Variants in ESPL1 observed in about 807,000 individuals in gnomAD.
ESPL1 encodes the protein separin.
Under a neutral mutation model 217.2 loss-of-function variants are expected in ESPL1, and 50 were observed. The observed-to-expected ratio is 0.23, with a 90% CI of 0.18 to 0.29. ESPL1 has a LOEUF of 0.29. ESPL1 is among the 10% of genes least tolerant of loss of function. The probability of loss-of-function intolerance (pLI) is 1.00; values close to 1 mark genes in which losing one functional copy is unlikely to be tolerated. For synonymous variants in ESPL1, 994 were observed against 1,081.3 expected (o/e 0.92, Z 1.58); for missense variants, 1,834 against 2,603.0 (o/e 0.70, Z 6.43).
intron 20 of ESPL1, 188 bp downstream of exon 20, chr12:53,288,887 G>A: frequency 1.4e-6 from 1 of 710,538 alleles, no homozygotes; most frequent in Non-Finnish European, 2.4e-6. Context: ...TATTCCTTCT[G>A]TAAAAATGGG....
rs765326719 is a variant in ESPL1, at chr12:53,286,219, G to A, written c.3483G>A (p.Leu1161=). The A allele has an allele frequency of 2.5e-6, 4 of 1,614,266 alleles. No individual in the cohort carries two copies. Among genetic ancestry groups the A allele is most frequent in the African/African-American group, 2.7e-5 (2 of 75,074 alleles). ...CASPVLTAVC[L]RWVLVTAGVR... The stretch of plus-strand genomic sequence containing the variant: ...GCCCTGTCCTCACAGCAGTCTGTCT[G>A]CGCTGGGTATTGGTCACGGCAGGGG... Residue 1161 remains leucine, a synonymous_variant, in exon 18 of 31, where the codon CTG becomes CTA. Transcript: ENST00000257934. This position sits in a 1 kb window ranked among gnomAD's most constrained non-coding sequence, Gnocchi z 5.3.
At chr12:53,279,674 G>A (rs1943828816) in intron 11 of ESPL1, 58 bp from the exon 12 acceptor site, 1 of 1,609,968 alleles carries the variant, frequency 6.2e-7, no homozygotes, top group Non-Finnish European at 8.5e-7. Context: ...GGGGAGCAGA[G>A]GGTAGAAATA....
At position 53,281,566 on chromosome 12, in the gene ESPL1, C is replaced by T; in HGVS notation, c.2559C>T (p.Tyr853=). 1 of 1,613,522 alleles carries T rather than the reference C, an allele frequency of 6.2e-7. No individual in the cohort carries two copies. The highest frequency in any genetic ancestry group is 1.7e-5 in the Admixed American group (1 of 60,016). ...LKHLDQTTDT[Y]LLLSLTCDLL... is the part of the protein sequence containing the mutation. ...ATCTCGATCAGACTACTGACACATA[C>T]CTGCTCCTTTCCCTGACCTGTGATC... The change falls in exon 13 of 31, where the codon TAC becomes TAT. Residue 853 remains tyrosine (Y), a synonymous_variant. Transcript: ENST00000257934.
chr12:53,285,613 G>T (rs2120963308), intron 17 of ESPL1, among the ~76,000 whole-genome samples: 1 of 152,150 alleles, frequency 6.6e-6, no homozygotes, highest in East Asian at 1.9e-4. Context: ...GGAGGCTGAG[G>T]CAGGAGAATG....
At chr12:53,276,461 TG>T (rs1943766805) in intron 7 of ESPL1, among the ~76,000 whole-genome samples, 158 bp from the exon 8 acceptor site, 1 of 152,232 alleles carries the variant, frequency 6.6e-6, no homozygotes, top group Admixed American at 6.5e-5. Context: ...CACTGCCGTT[TG>T]TTAAACAGAG....
chr12:53,292,464 C>T lies in ESPL1; in HGVS notation c.5912+71C>T. 7.1e-7 allele frequency: 1 copy of T among 1,405,492 alleles called. No homozygotes were observed. Among genetic ancestry groups the T allele is most frequent in the East Asian group, 2.3e-5 (1 of 43,958 alleles). 87.1% of individuals were successfully genotyped at this position (1,405,492 alleles called of 1,614,324 possible). On this transcript the variant is annotated intron_variant, in intron 28 of 30. Transcript: ENST00000257934. This position sits in a 1 kb window ranked among gnomAD's most constrained non-coding sequence, Gnocchi z 4.5. ...CATACAGGGGCAACAAGCCTTTTCTCCAGAAACAGCTGTTGCAGCCCACCT... is the reference window on the plus strand; with the variant it reads ...CATACAGGGGCAACAAGCCTTTTCTTCAGAAACAGCTGTTGCAGCCCACCT...
Position 53,270,504 on chromosome 12 carries a change from A to C in ESPL1, c.1248+22A>C, listed in dbSNP as rs1483963989. The C allele has an allele frequency of 3.1e-6, 5 of 1,591,328 alleles. No individual in the cohort carries two copies. In the African/African-American group the frequency reaches 4.0e-5, roughly 13 times the overall value. The stretch of plus-strand genomic sequence containing the variant: ...TCAGGTACTGTCTGGGAATCAAGGT[A>C]CCTGGACTAGGCTCATAGGGTTTGG... On this transcript the variant is annotated intron_variant, in intron 4 of 30. Transcript: ENST00000257934.
At chr12:53,271,914 C>T (rs544765707) in intron 5 of ESPL1, among the ~76,000 whole-genome samples, 2 of 152,196 alleles carry the variant, frequency 1.3e-5, no homozygotes, top group East Asian at 1.9e-4. Context: ...AGTGAAACCC[C>T]GTCTCTACTA....
At chr12:53,272,414 G>A (rs1943692325) in intron 5 of ESPL1, among the ~76,000 whole-genome samples, 1 of 152,118 alleles carries the variant, frequency 6.6e-6, no homozygotes, top group Non-Finnish European at 1.5e-5. Flanking sequence ...CTTGGAGGAT[G>A]TGAGGGAGTC....
Position 53,288,085 on chromosome 12 carries a change from G to T in ESPL1, c.4290G>T (p.Lys1430Asn). The T allele has an allele frequency of 6.2e-7, 1 of 1,613,704 alleles. No individual in the cohort carries two copies. Among genetic ancestry groups the T allele is most frequent in the Non-Finnish European group, 8.5e-7 (1 of 1,179,990 alleles). Reference protein sequence around the residue: ...TASRGRGRARKGLSLKTDAVV... With the variant: ...TASRGRGRARNGLSLKTDAVV... ...CCCGGGGCCGGGGGCGAGCAAGGAA[G>T]GGCCTGAGCCTAAAGACGGATGCCG... Residue 1430 changes from lysine to asparagine, a missense_variant, in exon 19 of 31, where the codon AAG (lysine) becomes AAT (asparagine). Physicochemically the swap from Lys to Asn is moderately conservative, Grantham distance 94. Coordinates refer to ENST00000257934, the MANE Select transcript of ESPL1 (RefSeq NM_012291.5).
intron 12 of ESPL1, among the ~76,000 whole-genome samples, chr12:53,280,129 G>C (rs1943837322): frequency 6.6e-6 from 1 of 152,194 alleles, no homozygotes; most frequent in South Asian, 2.1e-4. Context: ...AACTGGTTCT[G>C]TTGCCCTAGT....
Position 53,283,493 on chromosome 12 carries a change from G to C in ESPL1, c.3032G>C (p.Cys1011Ser). ...AGTGTGAGTGAAGCCAAGGCCTTTT[G>C]CTTGGAGGCCCTAAAACTTACAACA... ...LGSVSEAKAFCLEALKLTTKL... is the reference protein window; with the variant it reads ...LGSVSEAKAFSLEALKLTTKL... The change falls in exon 16 of 31, where the codon TGC becomes TCC. Residue 1011 changes from cysteine (C) to serine (S), a missense_variant. Coordinates refer to ENST00000257934, the MANE Select transcript of ESPL1 (RefSeq NM_012291.5). The C allele has an allele frequency of 1.2e-6, 2 of 1,614,206 alleles. No homozygotes were observed. Among genetic ancestry groups the C allele is most frequent in the Non-Finnish European group, 1.7e-6 (2 of 1,180,022 alleles).
At position 53,293,133 on chromosome 12, in the gene ESPL1, T is replaced by C; in HGVS notation, c.6162-140T>C. 1.0e-6 allele frequency: 1 copy of C among 979,990 alleles called. No homozygotes were observed. The highest frequency in any genetic ancestry group is 2.3e-4 in the Middle Eastern group (1 of 4,350). The allele number at this position is 979,990 out of a possible 1,614,324, so 60.7% of individuals were successfully genotyped here. Reference sequence around the variant, plus strand: ...CCATTAACCCTTAGCTCCCTTCTGTTCTTCTCTTGTAACCAAGGGCCAAAG... The same window carrying C: ...CCATTAACCCTTAGCTCCCTTCTGTCCTTCTCTTGTAACCAAGGGCCAAAG... On this transcript the variant is annotated intron_variant, in intron 30 of 30. Transcript: ENST00000257934. This position sits in a 1 kb window ranked among gnomAD's most constrained non-coding sequence, Gnocchi z 4.2.
At chr12:53,276,336 C>T (rs771347218) in intron 7 of ESPL1, among the ~76,000 whole-genome samples, 15 of 152,110 alleles carry the variant, frequency 9.9e-5, no homozygotes, top group African/African-American at 2.2e-4. Flanking sequence ...AGTAGAATAG[C>T]GGTATAGGAT....
In ESPL1 at chr12:53,286,291, G is replaced by A. The variant is rs1319447457; in HGVS notation, c.3555G>A (p.Gln1185=). 1 of 1,614,208 alleles carries A rather than the reference G, an allele frequency of 6.2e-7. No individual in the cohort carries two copies. Among genetic ancestry groups the A allele is most frequent in the Admixed American group, 1.7e-5 (1 of 60,036 alleles). ...GHQAQGLDLL[Q]VVLKGCPEAA... ...AAGCCCAGGGTCTGGATCTGCTGCA[G>A]GTCGTGCTGAAGGGCTGTCCTGAAG... The change falls in exon 18 of 31, where the codon CAG becomes CAA. Residue 1185 remains glutamine, a synonymous_variant. Transcript: ENST00000257934. This position sits in a 1 kb window ranked among gnomAD's most constrained non-coding sequence, Gnocchi z 5.3.
chr12:53,276,983 A>G, intron 8 of ESPL1, 100 bp from the exon 9 acceptor site: 6 of 1,558,074 alleles, frequency 3.9e-6, no homozygotes, highest in Non-Finnish European at 4.4e-6. Context: ...ATGGGAGCAC[A>G]TGCAAAGGGC....
At chr12:53,277,253 C>T (rs534281449) in intron 9 of ESPL1, 26 bp downstream of exon 9, 4 of 1,597,810 alleles carry the variant, frequency 2.5e-6, no homozygotes, top group African/African-American at 2.7e-5. Context: ...GTGGGGCTCA[C>T]CAGAACTGGG....
intron 17 of ESPL1, 27 bp downstream of exon 17, chr12:53,284,194 A>G: frequency 7.2e-7 from 1 of 1,390,322 alleles, no homozygotes; most frequent in Non-Finnish European, 1.0e-6. Context: ...CCATGACCAT[A>G]GGCGGTGCTG....
intron 11 of ESPL1, among the ~76,000 whole-genome samples, chr12:53,278,892 C>G (rs1207707245): frequency 6.6e-6 from 1 of 151,176 alleles, no homozygotes; most frequent in Non-Finnish European, 1.5e-5. Flanking sequence ...AGCTTTCCGC[C>G]CCGCCCCCCC....
Sources: allele counts gnomAD v4.1 joint callset (sites outside exome capture counted in the v4.1 genomes callset), GRCh38; gene constraint gnomAD v4.1.1; non-coding constraint Gnocchi (gnomAD v3.1); transcripts MANE v1.5; gene names NCBI Gene and HGNC (gene_info 2026-07-23, HGNC 2026-07-21).